Variants in SPAG16 observed in about 807,000 individuals in gnomAD.
SPAG16 encodes the protein sperm associated antigen 16.
A neutral mutation model predicts 80.4 loss-of-function variants in SPAG16; 86 were observed. That is an observed-to-expected ratio of 1.07 (90% CI 0.90 to 1.28). The LOEUF (loss-of-function observed/expected upper bound fraction) is 1.28, where lower values mean the gene tolerates loss of function less well. Ranked by LOEUF, SPAG16 falls within the 50% of genes most tolerant of loss-of-function variation. The probability of loss-of-function intolerance (pLI) is 0.00; values close to 1 mark genes in which losing one functional copy is unlikely to be tolerated. For synonymous variants in SPAG16, 294 were observed against 265.9 expected (o/e 1.11, Z -1.03); for missense variants, 870 against 765.3 (o/e 1.14, Z -1.61).
At chr2:213,684,437 T>C (rs1184620045) in intron 10 of SPAG16, among the ~76,000 whole-genome samples, 1 of 152,182 alleles carries the variant, frequency 6.6e-6, no homozygotes, top group Non-Finnish European at 1.5e-5. Context: ...GAGGAAAATA[T>C]CTCTTTTCTT....
intron 9 of SPAG16, among the ~76,000 whole-genome samples, chr2:213,468,967 T>C (rs1309527966): frequency 6.6e-6 from 1 of 151,952 alleles, no homozygotes; most frequent in Non-Finnish European, 1.5e-5. Context: ...TCTGTCTGCT[T>C]TATATTATAG....
chr2:214,394,819 G>A (rs962172570), intron 15 of SPAG16, among the ~76,000 whole-genome samples: 3 of 152,058 alleles, frequency 2.0e-5, no homozygotes, highest in South Asian at 2.1e-4. Context: ...CTATGGTATC[G>A]CAGAATAGTT....
chr2:214,375,794 A>C (rs890014048), intron 15 of SPAG16, among the ~76,000 whole-genome samples: 5 of 152,180 alleles, frequency 3.3e-5, no homozygotes, highest in East Asian at 3.9e-4. Context: ...TTTCTTTTTT[A>C]ACATATCTAC....
chr2:213,537,784 G>A (rs184844756), intron 10 of SPAG16, among the ~76,000 whole-genome samples: 1 of 152,230 alleles, frequency 6.6e-6, no homozygotes, highest in East Asian at 1.9e-4. Context: ...ACCTATTGAT[G>A]TCACAATGTC....
chr2:213,503,907 C>T (rs963375932), intron 10 of SPAG16, among the ~76,000 whole-genome samples: 1 of 152,178 alleles, frequency 6.6e-6, no homozygotes, highest in Admixed American at 6.5e-5. Flanking sequence ...AGCCAGCAAA[C>T]TGAGAACATA....
chr2:213,684,598 A>G (rs1235362539), intron 10 of SPAG16, among the ~76,000 whole-genome samples: 2 of 152,212 alleles, frequency 1.3e-5, no homozygotes, highest in Admixed American at 6.5e-5. Context: ...CTAAAGTTCT[A>G]TATAAACTAT....
intron 15 of SPAG16, among the ~76,000 whole-genome samples, chr2:214,343,799 T>TA (rs1269225773): frequency 6.6e-6 from 1 of 152,104 alleles, no homozygotes; most frequent in Non-Finnish European, 1.5e-5. Flanking sequence ...CCCAATGCAG[T>TA]AAATAATTTT....
At chr2:214,141,786 A>G (rs1021412796) in intron 14 of SPAG16, among the ~76,000 whole-genome samples, 3 of 152,052 alleles carry the variant, frequency 2.0e-5, no homozygotes, top group South Asian at 2.1e-4. Flanking sequence ...GTAATCTGTC[A>G]TTTTTCACTT....
intron 11 of SPAG16, among the ~76,000 whole-genome samples, chr2:213,884,959 A>G (rs1420288005): frequency 6.6e-6 from 1 of 152,198 alleles, no homozygotes; most frequent in East Asian, 1.9e-4. Context: ...CTTGCCATCC[A>G]GATTCTGAAT....
chr2:213,974,307 A>G (rs2045242864), intron 12 of SPAG16, among the ~76,000 whole-genome samples: 1 of 152,100 alleles, frequency 6.6e-6, no homozygotes, highest in Admixed American at 6.6e-5. Context: ...AGCCTACAAA[A>G]TGTATATTAC....
At chr2:213,961,526 A>AT (rs35549155) in intron 12 of SPAG16, among the ~76,000 whole-genome samples, 55,976 of 142,270 alleles carry the variant, frequency 0.39, 10,546 homozygotes, top group South Asian at 0.48. Flanking sequence ...GTTGTTAGCT[A>AT]TTTTTTTTTT....
intron 15 of SPAG16, among the ~76,000 whole-genome samples, chr2:214,197,054 A>G (rs1041093386): frequency 2.0e-5 from 3 of 152,062 alleles, no homozygotes; most frequent in Non-Finnish European, 2.9e-5. Flanking sequence ...TTCAGTTAAC[A>G]GAAGACAGGT....
intron 12 of SPAG16, among the ~76,000 whole-genome samples, chr2:213,984,155 A>T (rs899777750): frequency 1.8e-4 from 28 of 152,102 alleles, no homozygotes; most frequent in Admixed American, 1.8e-3. Flanking sequence ...ATTATATCAA[A>T]TCCAATTTCA....
intron 12 of SPAG16, among the ~76,000 whole-genome samples, chr2:213,934,562 AC>A (rs2078908285): frequency 3.9e-5 from 6 of 152,066 alleles, no homozygotes; most frequent in Admixed American, 3.3e-4. Flanking sequence ...AAAAGGCCAA[AC>A]TGTGGCAGAG....
intron 10 of SPAG16, among the ~76,000 whole-genome samples, chr2:213,702,651 A>G (rs1377991459): frequency 6.6e-6 from 1 of 152,186 alleles, no homozygotes; most frequent in Non-Finnish European, 1.5e-5. Flanking sequence ...GATACTTCCA[A>G]TATACAACTA....
At position 214,338,973 on chromosome 2, in the gene SPAG16, AT is replaced by A. The variant is rs1328085978; in HGVS notation, c.1721-71162del. On this transcript the variant is annotated intron_variant, in intron 15 of 15. Coordinates refer to ENST00000331683, the MANE Select transcript of SPAG16 (RefSeq NM_024532.5). ...ATTAACACTGGTTAGTACTGTCTTC[AT>A]TTTTGATATTTATAAATGATATTTC... Among the ~76,000 whole-genome samples, 5 of 152,190 alleles carry A rather than the reference AT, an allele frequency of 3.3e-5. No homozygotes were observed. In the East Asian group the frequency reaches 9.6e-4, roughly 29 times the overall value.
chr2:214,230,555 A>T (rs1424664614), intron 15 of SPAG16, among the ~76,000 whole-genome samples: 1 of 152,058 alleles, frequency 6.6e-6, no homozygotes, highest in African/African-American at 2.4e-5. Context: ...AAATTAGTTC[A>T]TAAATAATTG....
At chr2:214,351,175 GA>G (rs569219394) in intron 15 of SPAG16, among the ~76,000 whole-genome samples, 102 of 152,184 alleles carry the variant, frequency 6.7e-4, no homozygotes, top group South Asian at 1.0e-3. Context: ...TGTAAGGGCT[GA>G]AAAAATATTA....
chr2:213,662,289 C>A (rs1574698053), intron 10 of SPAG16, among the ~76,000 whole-genome samples: 1 of 152,052 alleles, frequency 6.6e-6, no homozygotes, highest in African/African-American at 2.4e-5. Context: ...TAGCTTAAGA[C>A]TTCTCTAAGT....
Sources: gnomAD v4.1 joint callset for allele counts (sites outside exome capture counted in the v4.1 genomes callset) on GRCh38, gnomAD v4.1.1 for gene constraint, MANE v1.5 for transcripts, NCBI Gene and HGNC (gene_info 2026-07-23, HGNC 2026-07-21) for gene names.